ITSN2: variants seen among roughly 807,000 people sequenced by gnomAD.
The protein encoded by ITSN2 is intersectin-2.
A neutral mutation model predicts 243.7 loss-of-function variants in ITSN2; 156 were observed. The observed-to-expected ratio is 0.64, with a 90% CI of 0.56 to 0.73. ITSN2 has a LOEUF of 0.73. Among genes scored for constraint, ITSN2 ranks in the 30% least tolerant of loss-of-function variants. The pLI is 0.00. For missense variants in ITSN2, 1,801 were observed against 1,996.1 expected, an observed-to-expected ratio of 0.90 and a Z score of 1.86; for synonymous variants, 703 against 699.9, an observed-to-expected ratio of 1.00 and a Z score of -0.07.
At chr2:24,327,930 A>G in intron 2 of ITSN2, 122 bp downstream of exon 2, 1 of 820,978 alleles carries the variant, frequency 1.2e-6, no homozygotes, top group Non-Finnish European at 1.9e-6. Context: ...ATATTTTCCA[A>G]GAATACTTCA....
intron 34 of ITSN2, chr2:24,210,261 C>T (rs754355358): frequency 9.9e-5 from 52 of 523,714 alleles, no homozygotes; most frequent in South Asian, 4.3e-4. Flanking sequence ...ATTCTACCAG[C>T]TGAATTCAAA....
At chr2:24,299,809 C>CA in intron 12 of ITSN2, 100 bp downstream of exon 12, 2 of 1,036,394 alleles carry the variant, frequency 1.9e-6, no homozygotes, top group African/African-American at 3.2e-5. Context: ...GAGCAAAAGG[C>CA]AAAACAAAAA....
At chr2:24,210,609 C>A (rs1402951715) in intron 34 of ITSN2, among the ~76,000 whole-genome samples, 171 bp downstream of exon 34, 1 of 126,200 alleles carries the variant, frequency 7.9e-6, no homozygotes, top group Non-Finnish European at 1.7e-5. Flanking sequence ...AGTGAGACTC[C>A]GTCTCAAAAA....
At chr2:24,226,151 T>C (rs1437458583) in intron 29 of ITSN2, among the ~76,000 whole-genome samples, 3 of 152,242 alleles carry the variant, frequency 2.0e-5, no homozygotes, top group African/African-American at 7.2e-5. Context: ...GCGTGTTGGC[T>C]ACCTGCAGTC....
At chr2:24,205,474 CCCTGCTTGCTCTTTCTGCCCTG>C (rs1361261453) in intron 37 of ITSN2, 177 bp from the exon 38 acceptor site, 1 of 565,494 alleles carries the variant, frequency 1.8e-6, no homozygotes, top group Non-Finnish European at 3.2e-6. Context: ...GCTAGGAAGC[CCCTGCTTGCTCTTTCTGCCCTG>C]CCTGCTTTCT....
intron 29 of ITSN2, among the ~76,000 whole-genome samples, chr2:24,235,485 T>C (rs1672059420): frequency 6.6e-6 from 1 of 152,070 alleles, no homozygotes; most frequent in Admixed American, 6.6e-5. Context: ...CTACAGACTT[T>C]GATAATGACA....
At chr2:24,219,982 G>A (rs1050412650) in intron 30 of ITSN2, among the ~76,000 whole-genome samples, 8 of 152,246 alleles carry the variant, frequency 5.3e-5, no homozygotes, top group African/African-American at 1.7e-4. Flanking sequence ...TTCTCAGTGA[G>A]CCCACAGGCG....
intron 32 of ITSN2, among the ~76,000 whole-genome samples, chr2:24,214,195 G>A (rs191782986): frequency 2.2e-3 from 336 of 152,306 alleles, no homozygotes; most frequent in Non-Finnish European, 4.0e-3. Context: ...TTAATTTTAT[G>A]AATTGTTACT....
chr2:24,279,484 T>G lies in ITSN2; in HGVS notation c.1945-3635A>C, dbSNP rs569509666. Among the ~76,000 whole-genome samples the G allele has an allele frequency of 2.7e-3, 406 of 152,318 alleles. 1 individual carries two copies. The highest frequency in any genetic ancestry group is 5.8e-3 in the Admixed American group (89 of 15,300). On this transcript the variant is annotated intron_variant, in intron 17 of 39. Coordinates refer to ENST00000355123, the MANE Select transcript of ITSN2 (RefSeq NM_006277.3). ...ACAAATAACAAAAATATTTGTATATTCGTATATAAGAGTTTACAAAGCATT... is the reference window on the plus strand; with the variant it reads ...ACAAATAACAAAAATATTTGTATATGCGTATATAAGAGTTTACAAAGCATT...
chr2:24,260,903 CAA>C (rs34385491), intron 22 of ITSN2, among the ~76,000 whole-genome samples: 3 of 117,776 alleles, frequency 2.5e-5, no homozygotes, highest in Non-Finnish European at 3.4e-5. Context: ...GGCTCCGTCT[CAA>C]AAAAAAAAAA....
intron 36 of ITSN2, 50 bp downstream of exon 36, chr2:24,209,050 C>T (rs370136946): frequency 2.7e-5 from 43 of 1,605,306 alleles, no homozygotes; most frequent in Non-Finnish European, 3.6e-5. Context: ...AGGGAGACGT[C>T]CAGGCCTTCT....
chr2:24,207,170 A>G (rs939568707), intron 37 of ITSN2, among the ~76,000 whole-genome samples: 3 of 152,166 alleles, frequency 2.0e-5, no homozygotes, highest in African/African-American at 7.2e-5. Flanking sequence ...TGGAAAAAAG[A>G]ATACTCCAGA....
chr2:24,209,350 G>T, intron 35 of ITSN2, 129 bp from the exon 36 acceptor site: 1 of 962,754 alleles, frequency 1.0e-6, no homozygotes, highest in Non-Finnish European at 1.6e-6. Flanking sequence ...AGCGTCTAAG[G>T]TCTTCTACAC....
intron 29 of ITSN2, among the ~76,000 whole-genome samples, chr2:24,237,963 C>T (rs2543672): frequency 0.97 from 147,017 of 152,220 alleles, 71,028 homozygotes; most frequent in East Asian, 0.99. Flanking sequence ...GTTCCTGGCT[C>T]TGTATTTCCA....
At chr2:24,349,221 T>G (rs1449421668) in intron 1 of ITSN2, among the ~76,000 whole-genome samples, 1 of 152,038 alleles carries the variant, frequency 6.6e-6, no homozygotes, top group Non-Finnish European at 1.5e-5. Flanking sequence ...AAAAATAAAA[T>G]AGAGATATTG....
intron 2 of ITSN2, among the ~76,000 whole-genome samples, chr2:24,315,730 T>C (rs932597807): frequency 5.3e-5 from 8 of 152,132 alleles, no homozygotes; most frequent in African/African-American, 9.7e-5. Flanking sequence ...TTCCTCACAA[T>C]AGCTGATGGT....
At chr2:24,223,683 C>CCAAA (rs757133165) in intron 29 of ITSN2, among the ~76,000 whole-genome samples, 4 of 87,368 alleles carry the variant, frequency 4.6e-5, no homozygotes, top group African/African-American at 1.6e-4. Flanking sequence ...GACCCTGTTT[C>CCAAA]AAAAAAAAAA....
rs1205071695 is a variant in ITSN2 at position 24,225,883 on chromosome 2, CT to C, written c.3578-4818del. On this transcript the variant is annotated intron_variant, in intron 29 of 39. Transcript: ENST00000355123. This position sits in a 1 kb window ranked among gnomAD's most constrained non-coding sequence, Gnocchi z 4.2. ...TTGTCCTGAGAAAAGTCCTGATGAA[CT>C]GAGGAATTCGGGTTTTATGGATAGG... Among the ~76,000 whole-genome samples the C allele has an allele frequency of 1.3e-5, 2 of 152,146 alleles. No homozygotes were observed. Among genetic ancestry groups the C allele is most frequent in the African/African-American group, 2.4e-5 (1 of 41,430 alleles).
chr2:24,287,280 G>A (rs1450799843), intron 15 of ITSN2, among the ~76,000 whole-genome samples: 1 of 152,022 alleles, frequency 6.6e-6, no homozygotes, highest in Non-Finnish European at 1.5e-5. Flanking sequence ...TTTACATTAT[G>A]GCTACTGCAT....
Sources: gnomAD v4.1 joint callset for allele counts (sites outside exome capture counted in the v4.1 genomes callset) on GRCh38, gnomAD v4.1.1 for gene constraint, Gnocchi (gnomAD v3.1) non-coding constraint, MANE v1.5 for transcripts, NCBI Gene and HGNC (gene_info 2026-07-23, HGNC 2026-07-21) for gene names.